The following TENM1 variants were observed in gnomAD, a reference collection of about 807,000 sequenced individuals.
TENM1 encodes the protein teneurin transmembrane protein 1, also known as teneurin-1.
A neutral mutation model predicts 174.8 loss-of-function variants in TENM1; 35 were observed. The observed-to-expected ratio is 0.20, with a 90% CI of 0.15 to 0.27. The LOEUF (loss-of-function observed/expected upper bound fraction) is 0.27, where lower values mean the gene tolerates loss of function less well. Ranked by LOEUF, TENM1 falls within the 10% of genes least tolerant of loss-of-function variation. TENM1 has a pLI of 1.00. For missense variants in TENM1, 1,633 were observed against 2,130.1 expected, an observed-to-expected ratio of 0.77 and a Z score of 4.59; for synonymous variants, 781 against 798.7, an observed-to-expected ratio of 0.98 and a Z score of 0.37.
chrX:124,998,443 C>T, the TENM1 span, among the ~76,000 whole-genome samples: 1 of 105,585 alleles, frequency 9.5e-6, no homozygotes, highest in African/African-American at 3.5e-5. Context: ...AATTCGACAA[C>T]AGCATTTAAG....
the TENM1 span, among the ~76,000 whole-genome samples, chrX:125,177,325 T>C: frequency 1.1e-4 from 12 of 111,893 alleles, no homozygotes; most frequent in East Asian, 3.4e-3. Context: ...AAAACAGCTA[T>C]TTAAAGTCAT....
intron 1 of TENM1, among the ~76,000 whole-genome samples, chrX:124,912,750 A>C (rs2147645628): frequency 8.9e-6 from 1 of 111,937 alleles, no homozygotes; most frequent in Admixed American, 9.5e-5. Flanking sequence ...GGGTAGGGTT[A>C]TTTAAAAACA....
At chrX:124,744,798 A>T in intron 3 of TENM1, among the ~76,000 whole-genome samples, 1 of 111,746 alleles carries the variant, frequency 8.9e-6, no homozygotes, top group Non-Finnish European at 1.9e-5. Flanking sequence ...TATCCTGAAC[A>T]TTTATAAAGT....
At chrX:124,475,349 T>TG (rs941368199) in intron 22 of TENM1, among the ~76,000 whole-genome samples, 1 of 111,819 alleles carries the variant, frequency 8.9e-6, no homozygotes, top group Non-Finnish European at 1.9e-5. Context: ...TTCCATTGAC[T>TG]GATAAGCATT....
Position 124,779,770 on chromosome X carries a change from A to G in TENM1, c.536-42573T>C, listed in dbSNP as rs903092254. Among the ~76,000 whole-genome samples, 8 of 111,868 alleles carry G rather than the reference A, an allele frequency of 7.2e-5. No homozygotes were observed. The Admixed American group carries it at 7.6e-4, about 11-fold the overall frequency. ...TTCCCACTCTTTAAACACCTCATAC[A>G]TGGTAATTCCCACCATATAATCTCT... On this transcript the variant is annotated intron_variant, in intron 3 of 31. Transcript: ENST00000422452.
exon 17 of TENM1, chrX:124,523,600 T>C: frequency 8.3e-7 from 1 of 1,211,284 alleles, no homozygotes; most frequent in Non-Finnish European, 1.1e-6. Flanking sequence ...ATGACAGAGA[T>C]GCCACCGATG....
At chrX:125,025,300 G>T in the TENM1 span, among the ~76,000 whole-genome samples, 1 of 110,094 alleles carries the variant, frequency 9.1e-6, no homozygotes, top group African/African-American at 3.3e-5. Flanking sequence ...GGGAAGTGAG[G>T]GTGCTACTCC....
intron 4 of TENM1, among the ~76,000 whole-genome samples, chrX:124,734,175 G>A (rs750603579): frequency 1.7e-4 from 19 of 112,264 alleles, no homozygotes; most frequent in Non-Finnish European, 3.2e-4. Context: ...TACAGGGCTG[G>A]GCACGGTGGC....
intron 22 of TENM1, among the ~76,000 whole-genome samples, chrX:124,468,544 CCT>C (rs1018760348): frequency 8.9e-6 from 1 of 112,453 alleles, no homozygotes; most frequent in African/African-American, 3.2e-5. Context: ...TTATCCCTAT[CCT>C]CTTTTTCCTT....
At chrX:124,956,036 T>C (rs779480761) in intron 1 of TENM1, among the ~76,000 whole-genome samples, 103 of 111,821 alleles carry the variant, frequency 9.2e-4, no homozygotes, top group Middle Eastern at 4.6e-3. Context: ...CCTTATAGCA[T>C]TGCTGGGAAG....
intron 1 of TENM1, among the ~76,000 whole-genome samples, chrX:124,963,105 C>T (rs1445473576): frequency 1.8e-5 from 2 of 112,142 alleles, no homozygotes; most frequent in African/African-American, 3.2e-5. Flanking sequence ...TTCTACATTA[C>T]GGTGATAGAC....
chrX:124,628,907 G>A (rs73634523), intron 11 of TENM1, among the ~76,000 whole-genome samples: 1,150 of 111,488 alleles, frequency 0.01, 8 homozygotes, highest in African/African-American at 0.035. Flanking sequence ...CCTTTGCCTC[G>A]TCATTTCTTC....
At chrX:124,658,208 G>A (rs945638413) in intron 6 of TENM1, among the ~76,000 whole-genome samples, 1 of 111,474 alleles carries the variant, frequency 9.0e-6, no homozygotes, top group Non-Finnish European at 1.9e-5. Context: ...TTTTCCTTAC[G>A]TGAACTATCG....
intron 3 of TENM1, among the ~76,000 whole-genome samples, chrX:124,823,423 A>G (rs1435400469): frequency 1.8e-5 from 2 of 111,765 alleles, no homozygotes; most frequent in Non-Finnish European, 3.8e-5. Context: ...TATTTTTTGC[A>G]TATCATTCTA....
In TENM1 at chrX:124,671,859, T is replaced by G. The variant is rs373081528; in HGVS notation, c.1016-24A>C. 11 of 1,202,452 alleles carry G rather than the reference T, an allele frequency of 9.1e-6. No individual in the cohort carries two copies. In the South Asian group the frequency reaches 1.6e-4, roughly 18 times the overall value. On this transcript the variant is annotated intron_variant, in intron 5 of 31. Transcript: ENST00000422452. ...TGCTGCAAGAGAACAAGCCATACATTAATTTATTCCAGACTCACTGAGAAC... is the reference window on the plus strand; with the variant it reads ...TGCTGCAAGAGAACAAGCCATACATGAATTTATTCCAGACTCACTGAGAAC...
At chrX:125,051,464 C>T in the TENM1 span, among the ~76,000 whole-genome samples, 1 of 111,065 alleles carries the variant, frequency 9.0e-6, no homozygotes, top group African/African-American at 3.3e-5. Flanking sequence ...CTACAGTAAC[C>T]AAAACAGCAT....
At chrX:125,075,493 T>C in the TENM1 span, among the ~76,000 whole-genome samples, 1 of 111,464 alleles carries the variant, frequency 9.0e-6, no homozygotes, top group African/African-American at 3.3e-5. Flanking sequence ...TCATTACTCT[T>C]GTATATATAC....
At position 124,737,062 on chromosome X, in the gene TENM1, C is replaced by A. The variant is rs766565169; in HGVS notation, c.671G>T (p.Arg224Leu). The A allele has an allele frequency of 8.3e-7, 1 of 1,211,106 alleles. No homozygotes were observed. The highest frequency in any genetic ancestry group is 1.1e-6 in the Non-Finnish European group (1 of 895,387). Reference sequence around the variant, plus strand: ...TGGAGCAGCTGGGCTGGGCTGGCTGCGGGTAGTCATTGATCTCCTCTGAAG... The same window carrying A: ...TGGAGCAGCTGGGCTGGGCTGGCTGAGGGTAGTCATTGATCTCCTCTGAAG... The change falls in exon 4 of 32, where the codon CGC becomes CTC. Residue 224 changes from arginine (R) to leucine (L), a missense_variant. This residue lies in a region of TENM1 where 305 missense variants were observed against 309.2 expected (regional missense o/e 0.99). Coordinates refer to ENST00000422452, the Ensembl canonical transcript of TENM1.
chrX:125,022,242 C>T, the TENM1 span, among the ~76,000 whole-genome samples: 2 of 111,791 alleles, frequency 1.8e-5, no homozygotes, highest in East Asian at 5.6e-4. Context: ...GAAAGATCCA[C>T]ATAGGTTTTT....
Sources: allele counts gnomAD v4.1 joint callset (sites outside exome capture counted in the v4.1 genomes callset), GRCh38; gene constraint gnomAD v4.1.1; regional missense constraint gnomAD v4.1.1; transcripts MANE v1.5; gene names NCBI Gene and HGNC (gene_info 2026-07-23, HGNC 2026-07-21).